The following CHCHD3 variants were observed in gnomAD, a reference collection of about 807,000 sequenced individuals.
CHCHD3 encodes coiled-coil-helix-coiled-coil-helix domain containing 3, also known as MICOS complex subunit MIC19.
In CHCHD3, 20 loss-of-function variants were observed where a neutral mutation model predicts 38.2. The observed-to-expected ratio is 0.52, with a 90% CI of 0.37 to 0.76. The LOEUF (loss-of-function observed/expected upper bound fraction) is 0.76, where lower values mean the gene tolerates loss of function less well. Ranked by LOEUF, CHCHD3 falls within the 30% of genes least tolerant of loss-of-function variation. The pLI is 0.00. For synonymous variants in CHCHD3, 82 were observed against 100.0 expected, an observed-to-expected ratio of 0.82 and a Z score of 1.07; for missense variants, 245 against 279.2, an observed-to-expected ratio of 0.88 and a Z score of 0.87.
At chr7:132,817,682 C>T (rs1247778248) in intron 6 of CHCHD3, among the ~76,000 whole-genome samples, 3 of 152,084 alleles carry the variant, frequency 2.0e-5, no homozygotes, top group Admixed American at 2.0e-4. Flanking sequence ...AAATCAATTT[C>T]TTAATGGTTC....
chr7:132,807,449 A>G (rs963750970), intron 6 of CHCHD3, among the ~76,000 whole-genome samples: 5 of 151,988 alleles, frequency 3.3e-5, no homozygotes, highest in African/African-American at 1.2e-4. Flanking sequence ...TTGCTCTCCA[A>G]AACAGACGTG....
intron 3 of CHCHD3, among the ~76,000 whole-genome samples, chr7:132,978,222 AT>A (rs1811822633): frequency 6.6e-6 from 1 of 152,182 alleles, no homozygotes. Context: ...GAAAGCAGTG[AT>A]TTTACGAAAT....
At chr7:132,919,504 C>A (rs1810207001) in intron 4 of CHCHD3, among the ~76,000 whole-genome samples, 1 of 152,088 alleles carries the variant, frequency 6.6e-6, no homozygotes, top group Non-Finnish European at 1.5e-5. Context: ...ACTCCCTCAC[C>A]AAAATATTAT....
At chr7:132,875,712 T>C (rs1044899877) in intron 5 of CHCHD3, among the ~76,000 whole-genome samples, 1 of 152,196 alleles carries the variant, frequency 6.6e-6, no homozygotes, top group African/African-American at 2.4e-5. Context: ...CTGTAGGAGA[T>C]TAATAAATGT....
At chr7:132,917,465 G>A (rs987586088) in intron 4 of CHCHD3, among the ~76,000 whole-genome samples, 1 of 152,140 alleles carries the variant, frequency 6.6e-6, no homozygotes, top group Admixed American at 6.5e-5. Context: ...CTTTTCAACT[G>A]CAATGTGGAT....
chr7:133,019,310 C>T (rs1813117598), intron 3 of CHCHD3, among the ~76,000 whole-genome samples: 1 of 151,988 alleles, frequency 6.6e-6, no homozygotes, highest in South Asian at 2.1e-4. Context: ...TTTTCAAAGG[C>T]AGAACATATG....
chr7:132,939,268 C>T (rs1186651137), intron 4 of CHCHD3, among the ~76,000 whole-genome samples: 3 of 152,114 alleles, frequency 2.0e-5, no homozygotes, highest in Non-Finnish European at 2.9e-5. Context: ...TAATAGTATA[C>T]AACAATGTCC....
intron 3 of CHCHD3, among the ~76,000 whole-genome samples, chr7:132,985,383 T>C: frequency 1.7e-5 from 1 of 57,258 alleles, no homozygotes; most frequent in Non-Finnish European, 3.5e-5. Flanking sequence ...GGTGGGGGGG[T>C]CAGCCCCCCG....
At chr7:132,974,777 G>A (rs886795847) in intron 4 of CHCHD3, among the ~76,000 whole-genome samples, 1 of 152,112 alleles carries the variant, frequency 6.6e-6, no homozygotes, top group African/African-American at 2.4e-5. Context: ...GGGAGGCTGA[G>A]GCTGGAGAAT....
intron 4 of CHCHD3, among the ~76,000 whole-genome samples, chr7:132,932,071 C>T (rs1585650043): frequency 6.6e-6 from 1 of 152,108 alleles, no homozygotes; most frequent in East Asian, 1.9e-4. Flanking sequence ...ATGGACACTG[C>T]AGGATATATT....
chr7:132,968,224 C>T (rs1387442013), intron 4 of CHCHD3, among the ~76,000 whole-genome samples: 1 of 152,188 alleles, frequency 6.6e-6, no homozygotes, highest in Non-Finnish European at 1.5e-5. Context: ...TACTTTGTCC[C>T]AGAAGCCCTA....
At position 133,057,124 on chromosome 7, in the gene CHCHD3, G is replaced by A. The variant is rs187492717; in HGVS notation, c.169+13018C>T. 3.1e-3 allele frequency among the ~76,000 whole-genome samples: 478 copies of A among 152,282 alleles called. 3 individuals are homozygous for A. The South Asian group carries it at 0.037, about 12-fold the overall frequency. ...GGCCTTTGCAATTGGGTCTGGTTCG[G>A]CTGGTTCAAGTTACACCTATTGAGG... On this transcript the variant is annotated intron_variant, in intron 2 of 7. Transcript: ENST00000262570.
chr7:133,042,469 G>A (rs1813860169), intron 2 of CHCHD3, among the ~76,000 whole-genome samples: 1 of 152,060 alleles, frequency 6.6e-6, no homozygotes, highest in South Asian at 2.1e-4. Flanking sequence ...CCTTATCCCA[G>A]AAAGATGTAG....
rs145053489 is a variant in CHCHD3 at position 132,917,369 on chromosome 7, C to T, written c.370-31624G>A. Among the ~76,000 whole-genome samples the T allele has an allele frequency of 6.6e-3, 1,009 of 152,280 alleles. 12 individuals carry two copies. The highest frequency in any genetic ancestry group is 0.022 in the African/African-American group (932 of 41,550). ...CGTAATCCTCTATATCATACTTCTG[C>T]ACATAGTAGGAAAAAGTGATCCCCT... On this transcript the variant is annotated intron_variant, in intron 4 of 7. Transcript: ENST00000262570.
chr7:132,884,805 C>T (rs1809162448), intron 5 of CHCHD3, among the ~76,000 whole-genome samples: 1 of 152,184 alleles, frequency 6.6e-6, no homozygotes, highest in Non-Finnish European at 1.5e-5. Flanking sequence ...TTGTCCATCT[C>T]TGTCCAATTC....
At chr7:132,850,579 TTAAAA>T (rs965127908) in intron 5 of CHCHD3, among the ~76,000 whole-genome samples, 7 of 152,066 alleles carry the variant, frequency 4.6e-5, no homozygotes, top group East Asian at 3.9e-4. Context: ...ATCTGGGGAA[TTAAAA>T]TAAACAACTG....
chr7:132,838,834 C>T (rs35291887), intron 5 of CHCHD3, among the ~76,000 whole-genome samples: 517 of 152,188 alleles, frequency 3.4e-3, no homozygotes, highest in Non-Finnish European at 6.2e-3. Context: ...CACACACATT[C>T]GTATTTATAT....
At chr7:133,042,299 TTCTGCATGTCCC>T (rs1206557085) in intron 2 of CHCHD3, among the ~76,000 whole-genome samples, 1 of 152,206 alleles carries the variant, frequency 6.6e-6, no homozygotes, top group African/African-American at 2.4e-5. Context: ...GCGGTAGTAT[TTCTGCATGTCCC>T]TAAGATTCTC....
intron 2 of CHCHD3, among the ~76,000 whole-genome samples, chr7:133,050,671 C>T (rs1012558231): frequency 1.6e-4 from 24 of 152,112 alleles, no homozygotes; most frequent in Non-Finnish European, 3.1e-4. Context: ...TAGGAAAGCA[C>T]TTTATCACAG....
Sources: gnomAD v4.1 joint callset for allele counts (sites outside exome capture counted in the v4.1 genomes callset) on GRCh38, gnomAD v4.1.1 for gene constraint, MANE v1.5 for transcripts, NCBI Gene and HGNC (gene_info 2026-07-23, HGNC 2026-07-21) for gene names.